The following CAPZA2 variants were observed in gnomAD, a reference collection of about 807,000 sequenced individuals.
CAPZA2 encodes the protein F-actin-capping protein subunit alpha-2.
Under a neutral mutation model 44.0 loss-of-function variants are expected in CAPZA2, and 13 were observed. The observed-to-expected ratio is 0.30, with a 90% CI of 0.19 to 0.47. The LOEUF (loss-of-function observed/expected upper bound fraction) is 0.47. Ranked by LOEUF, CAPZA2 falls within the 20% of genes least tolerant of loss-of-function variation. The pLI is 1.00. For missense variants in CAPZA2, 244 were observed against 338.6 expected (o/e 0.72, Z 2.19); for synonymous variants, 94 against 108.2 (o/e 0.87, Z 0.81).
chr7:116,889,566 C>CAA (rs745664263), intron 2 of CAPZA2, among the ~76,000 whole-genome samples: 2 of 112,966 alleles, frequency 1.8e-5, no homozygotes, highest in East Asian at 4.9e-4. Context: ...CCATCTCTAC[C>CAA]AAAAAAAAAA....
chr7:116,900,266 TTATC>T, intron 4 of CAPZA2, among the ~76,000 whole-genome samples: 1 of 152,020 alleles, frequency 6.6e-6, no homozygotes, highest in African/African-American at 2.4e-5. Flanking sequence ...CTTATCAGCA[TTATC>T]ATTTATCATA....
intron 1 of CAPZA2, among the ~76,000 whole-genome samples, chr7:116,864,375 A>G (rs916079745): frequency 2.0e-5 from 3 of 152,204 alleles, no homozygotes; most frequent in African/African-American, 7.2e-5. Context: ...CTCTCAGGGC[A>G]CTAAGCTTCA....
At chr7:116,898,105 C>T (rs1045362656) in intron 3 of CAPZA2, among the ~76,000 whole-genome samples, 1 of 152,078 alleles carries the variant, frequency 6.6e-6, no homozygotes, top group African/African-American at 2.4e-5. Flanking sequence ...TTTTCTCAGG[C>T]ATTTTGCTCA....
intron 1 of CAPZA2, among the ~76,000 whole-genome samples, chr7:116,863,044 G>C (rs42231): frequency 1 from 152,250 of 152,250 alleles, 76,125 homozygotes; most frequent in Non-Finnish European, 1. Context: ...GCGTCCGTGC[G>C]TGGGAGCGGC....
intron 2 of CAPZA2, among the ~76,000 whole-genome samples, chr7:116,892,513 G>C (rs1303688419): frequency 6.6e-6 from 1 of 152,002 alleles, no homozygotes; most frequent in Non-Finnish European, 1.5e-5. Context: ...TTCCAGTGGA[G>C]CTCATCTCCC....
chr7:116,900,263 G>A (rs1033462362), intron 4 of CAPZA2, among the ~76,000 whole-genome samples: 3 of 151,776 alleles, frequency 2.0e-5, no homozygotes, highest in Admixed American at 2.0e-4. Flanking sequence ...CTGCTTATCA[G>A]CATTATCATT....
At chr7:116,909,728 G>A (rs778726232) in intron 6 of CAPZA2, 3 of 169,092 alleles carry the variant, frequency 1.8e-5, no homozygotes, top group Non-Finnish European at 3.9e-5. Context: ...ACTACACTGA[G>A]TGTATTCATA....
chr7:116,862,782 C>G (rs907238787), intron 1 of CAPZA2, 132 bp downstream of exon 1: 4 of 1,003,932 alleles, frequency 4.0e-6, no homozygotes, highest in Non-Finnish European at 5.8e-6. Flanking sequence ...CTTCCTCCCC[C>G]ATCCTTACTG....
intron 8 of CAPZA2, among the ~76,000 whole-genome samples, chr7:116,912,889 C>T (rs1791616268): frequency 6.6e-6 from 1 of 152,110 alleles, no homozygotes; most frequent in Admixed American, 6.6e-5. Context: ...GACTGTTTTC[C>T]ATCTTATAGT....
chr7:116,870,360 C>A (rs1473138685), intron 1 of CAPZA2, among the ~76,000 whole-genome samples: 1 of 152,170 alleles, frequency 6.6e-6, no homozygotes, highest in African/African-American at 2.4e-5. Context: ...AAAGTGGGAA[C>A]AAGCAGGCAG....
chr7:116,876,871 G>A (rs12537143), intron 1 of CAPZA2, among the ~76,000 whole-genome samples: 106,444 of 152,030 alleles, frequency 0.7, 37,346 homozygotes, highest in East Asian at 0.85. Context: ...TGTGCTTGAG[G>A]ACGGAGTGAA....
chr7:116,879,705 G>A (rs1796667650), intron 1 of CAPZA2, among the ~76,000 whole-genome samples: 1 of 152,134 alleles, frequency 6.6e-6, no homozygotes, highest in African/African-American at 2.4e-5. Context: ...GTGTGACCGG[G>A]TTCCTAACAG....
At chr7:116,894,050 T>A (rs1467433124) in intron 3 of CAPZA2, among the ~76,000 whole-genome samples, 1 of 152,168 alleles carries the variant, frequency 6.6e-6, no homozygotes, top group Non-Finnish European at 1.5e-5. Flanking sequence ...TTCATCCTAG[T>A]ATAATACCCA....
rs779980167 is a variant in CAPZA2 at position 116,888,203 on chromosome 7, T to G, written c.103+13T>G. 6.4e-7 allele frequency: 1 copy of G among 1,568,100 alleles called. No homozygotes were observed. On this transcript the variant is annotated intron_variant, in intron 2 of 9. Transcript: ENST00000361183. ...GAGGTTTTCAATGGTGAGTGTTTGA[T>G]TTATAACACTAGGCTTGATATATCA... is the stretch of plus-strand genomic sequence containing the variant.
At chr7:116,901,008 A>ATAACAGAT (rs1299117286) in intron 4 of CAPZA2, among the ~76,000 whole-genome samples, 2 of 152,164 alleles carry the variant, frequency 1.3e-5, no homozygotes, top group Admixed American at 6.6e-5. Flanking sequence ...AAGTCAAAAA[A>ATAACAGAT]TAACAGATGC....
rs1442276493 is a variant in CAPZA2 at position 116,919,515 on chromosome 7, A to T, written c.*1648A>T. On this transcript the variant is annotated 3_prime_UTR_variant, in exon 10 of 10. Coordinates refer to ENST00000361183, the MANE Select transcript of CAPZA2 (RefSeq NM_006136.3). ...TTCTAGTCTGGAATGCATTACTGAA[A>T]ATGTATGCAACTGTTTTTAAGGTGA... is the stretch of plus-strand genomic sequence containing the variant. 6.6e-6 allele frequency: 1 copy of T among 152,114 alleles called. No individual in the cohort carries two copies. The highest frequency in any genetic ancestry group is 2.4e-5 in the African/African-American group (1 of 41,412). 9.4% of individuals were successfully genotyped at this position (152,114 alleles called of 1,614,324 possible).
In CAPZA2 at chr7:116,918,888, A is replaced by T. The variant is rs902496195; in HGVS notation, c.*1021A>T. ...TTTTTTCATCCTCCTATGCATCATA[A>T]GCATGTTTGTAATATTTTCAAAAAT... On this transcript the variant is annotated 3_prime_UTR_variant, in exon 10 of 10. Coordinates refer to ENST00000361183, the MANE Select transcript of CAPZA2 (RefSeq NM_006136.3). 3 of 152,142 alleles carry T rather than the reference A, an allele frequency of 2.0e-5. No individual in the cohort carries two copies. Among genetic ancestry groups the T allele is most frequent in the Non-Finnish European group, 4.4e-5 (3 of 68,016 alleles). 9.4% of individuals were successfully genotyped at this position (152,142 alleles called of 1,614,324 possible).
intron 1 of CAPZA2, among the ~76,000 whole-genome samples, chr7:116,881,498 G>A (rs926677940): frequency 1.3e-5 from 2 of 152,002 alleles, no homozygotes; most frequent in East Asian, 1.9e-4. Context: ...CCAGCACTTC[G>A]GGAGGCCAAG....
chr7:116,915,851 C>A (rs1400344846), intron 8 of CAPZA2: 4 of 318,664 alleles, frequency 1.3e-5, no homozygotes, highest in Non-Finnish European at 2.3e-5. Context: ...GCCAGCTGAA[C>A]ATTGAGACCA....
Sources: allele counts gnomAD v4.1 joint callset (sites outside exome capture counted in the v4.1 genomes callset), GRCh38; gene constraint gnomAD v4.1.1; transcripts MANE v1.5; gene names NCBI Gene and HGNC (gene_info 2026-07-23, HGNC 2026-07-21).